The following BLTP3B variants were observed in gnomAD, a reference collection of about 807,000 sequenced individuals.
The protein encoded by BLTP3B is UHRF1 (ICBP90) binding protein 1-like.
the BLTP3B span, among the ~76,000 whole-genome samples, chr12:100,129,166 C>T: frequency 6.6e-6 from 1 of 151,532 alleles, no homozygotes; most frequent in Admixed American, 6.6e-5. Flanking sequence ...CTCATTTCAC[C>T]GAGAATACTG....
chr12:100,064,856 A>G, the BLTP3B span, among the ~76,000 whole-genome samples: 5 of 151,986 alleles, frequency 3.3e-5, no homozygotes, highest in African/African-American at 1.2e-4. Flanking sequence ...TCAGAGATCT[A>G]TAAAACAAAA....
At chr12:100,055,447 TGGGA>T in the BLTP3B span, among the ~76,000 whole-genome samples, 1 of 151,974 alleles carries the variant, frequency 6.6e-6, no homozygotes, top group Non-Finnish European at 1.5e-5. Context: ...GAGGCTGAGA[TGGGA>T]GGATCACCTG....
chr12:100,106,309 T>C, the BLTP3B span, among the ~76,000 whole-genome samples: 1 of 151,174 alleles, frequency 6.6e-6, no homozygotes, highest in Non-Finnish European at 1.5e-5. Context: ...TGGACACATA[T>C]GTCTATTGCA....
the BLTP3B span, chr12:100,095,605 T>C: frequency 6.4e-7 from 1 of 1,554,006 alleles, no homozygotes; most frequent in Non-Finnish European, 8.7e-7. Flanking sequence ...CAACAATTCC[T>C]TCTAATTTTT....
the BLTP3B span, chr12:100,070,126 T>C: frequency 1.3e-6 from 2 of 1,544,058 alleles, no homozygotes; most frequent in Non-Finnish European, 1.8e-6. Flanking sequence ...AGCAGATGTC[T>C]TCCTTCATCT....
At chr12:100,059,042 A>G in the BLTP3B span, 10 of 1,614,144 alleles carry the variant, frequency 6.2e-6, no homozygotes, top group Non-Finnish European at 8.5e-6. Flanking sequence ...GAGATACCTG[A>G]TTACAAGTCT....
At chr12:100,098,306 C>T in the BLTP3B span, 2 of 1,516,756 alleles carry the variant, frequency 1.3e-6, no homozygotes, top group South Asian at 1.3e-5. Flanking sequence ...TCCTCTTTTA[C>T]TTGTCACTAA....
the BLTP3B span, among the ~76,000 whole-genome samples, chr12:100,064,956 C>A: frequency 6.7e-6 from 1 of 150,236 alleles, no homozygotes; most frequent in African/African-American, 2.4e-5. Context: ...TGGTACCTCA[C>A]GTCTCAATAC....
At chr12:100,077,887 T>C in the BLTP3B span, among the ~76,000 whole-genome samples, 1 of 152,156 alleles carries the variant, frequency 6.6e-6, no homozygotes, top group East Asian at 1.9e-4. Flanking sequence ...TAGAATTATA[T>C]TCACAGTATA....
chr12:100,063,813 C>T, the BLTP3B span, among the ~76,000 whole-genome samples: 4 of 151,964 alleles, frequency 2.6e-5, no homozygotes, highest in Non-Finnish European at 5.9e-5. Flanking sequence ...GACATTACCT[C>T]TGAGAGAGCC....
At chr12:100,106,275 C>A in the BLTP3B span, among the ~76,000 whole-genome samples, 1 of 26,780 alleles carries the variant, frequency 3.7e-5, no homozygotes, top group African/African-American at 2.4e-4. Flanking sequence ...AAACATGACT[C>A]TATTAAAAAA....
the BLTP3B span, among the ~76,000 whole-genome samples, chr12:100,042,750 A>T: frequency 6.6e-6 from 1 of 152,192 alleles, no homozygotes; most frequent in African/African-American, 2.4e-5. Flanking sequence ...GTGAGCAAAA[A>T]GATTATGACT....
chr12:100,067,046 C>A, the BLTP3B span, among the ~76,000 whole-genome samples: 7 of 152,092 alleles, frequency 4.6e-5, no homozygotes, highest in Admixed American at 4.6e-4. Context: ...ACCTTCAAAA[C>A]CATGCAAATA....
chr12:100,046,085 G>A, the BLTP3B span, among the ~76,000 whole-genome samples: 1 of 152,178 alleles, frequency 6.6e-6, no homozygotes, highest in African/African-American at 2.4e-5. Flanking sequence ...AACAGATGCT[G>A]GAGAGGATGT....
the BLTP3B span, chr12:100,086,355 G>T: frequency 2.0e-6 from 1 of 492,618 alleles, no homozygotes; most frequent in South Asian, 1.7e-5. Flanking sequence ...ACGTCTGTTT[G>T]ACTCTGGGAA....
At chr12:100,112,715 G>C in the BLTP3B span, among the ~76,000 whole-genome samples, 3 of 151,976 alleles carry the variant, frequency 2.0e-5, no homozygotes, top group African/African-American at 4.8e-5. Flanking sequence ...ATTTGGTTAA[G>C]GGAACAGAGA....
the BLTP3B span, chr12:100,103,923 G>T: frequency 6.3e-7 from 1 of 1,598,928 alleles, no homozygotes; most frequent in Non-Finnish European, 8.5e-7. Flanking sequence ...CAAACAGATG[G>T]GATGTGTTTT....
the BLTP3B span, among the ~76,000 whole-genome samples, chr12:100,062,442 T>C: frequency 6.6e-6 from 1 of 152,184 alleles, no homozygotes; most frequent in Non-Finnish European, 1.5e-5. Flanking sequence ...TACATGAGGG[T>C]GCAACATACT....
chr12:100,127,435 A>C, the BLTP3B span, among the ~76,000 whole-genome samples: 1 of 152,252 alleles, frequency 6.6e-6, no homozygotes, highest in Non-Finnish European at 1.5e-5. Flanking sequence ...CATTACTCTT[A>C]GGTAAGTATG....
Sources: gnomAD v4.1 joint callset for allele counts (sites outside exome capture counted in the v4.1 genomes callset) on GRCh38, gnomAD v4.1.1 for gene constraint, MANE v1.5 for transcripts, NCBI Gene and HGNC (gene_info 2026-07-23, HGNC 2026-07-21) for gene names.